CNTNAP3B: variants seen among roughly 807,000 people sequenced by gnomAD.
The protein encoded by CNTNAP3B is contactin associated protein family member 3B, also known as contactin-associated protein-like 3B.
Under a neutral mutation model 108.9 loss-of-function variants are expected in CNTNAP3B, and 25 were observed. The observed-to-expected ratio is 0.23, with a 90% confidence interval of 0.17 to 0.32. The LOEUF (loss-of-function observed/expected upper bound fraction) is 0.32. Among genes scored for constraint, CNTNAP3B ranks in the 10% least tolerant of loss-of-function variants. The pLI is 1.00. For synonymous variants in CNTNAP3B, 103 were observed against 473.4 expected (o/e 0.22, Z 10.16); for missense variants, 252 against 1,210.4 (o/e 0.21, Z 11.75).
intron 15 of CNTNAP3B, among the ~76,000 whole-genome samples, chr9:41,925,509 C>A (rs1378367318): frequency 6.6e-6 from 1 of 152,264 alleles, no homozygotes; most frequent in Non-Finnish European, 1.5e-5. Flanking sequence ...AGGAGAATGA[C>A]GTGAACCCGG....
At chr9:41,934,100 C>CATATATATATATATAT (rs1186532915) in intron 14 of CNTNAP3B, among the ~76,000 whole-genome samples, 6,095 of 88,388 alleles carry the variant, frequency 0.069, 113 homozygotes, top group Admixed American at 0.11. Context: ...ATATTTGTTA[C>CATATATATATATATAT]ATATATATAT....
At chr9:42,114,697 A>T (rs1288724934) in intron 1 of CNTNAP3B, among the ~76,000 whole-genome samples, 1 of 120,082 alleles carries the variant, frequency 8.3e-6, no homozygotes, top group African/African-American at 3.6e-5. Context: ...TGAGGACAAC[A>T]TCGTTCATCA....
chr9:42,045,823 C>A (rs1826862104), intron 3 of CNTNAP3B, among the ~76,000 whole-genome samples: 1 of 129,960 alleles, frequency 7.7e-6, no homozygotes, highest in Admixed American at 7.8e-5. Flanking sequence ...TTAATATCAT[C>A]TCGGTGGGGC....
At chr9:42,110,837 AC>A (rs1828180282) in intron 1 of CNTNAP3B, among the ~76,000 whole-genome samples, 1 of 139,812 alleles carries the variant, frequency 7.2e-6, no homozygotes, top group Admixed American at 7.1e-5. Flanking sequence ...TTTAGAAGGT[AC>A]CAAAAGTTCA....
At chr9:41,959,819 T>C (rs1209260734) in intron 12 of CNTNAP3B, among the ~76,000 whole-genome samples, 1 of 152,308 alleles carries the variant, frequency 6.6e-6, no homozygotes, top group East Asian at 1.9e-4. Flanking sequence ...TTGTCCAAAT[T>C]TATGAAACTT....
At chr9:41,919,445 C>G (rs1232519703) in intron 18 of CNTNAP3B, among the ~76,000 whole-genome samples, 4 of 152,204 alleles carry the variant, frequency 2.6e-5, no homozygotes, top group Non-Finnish European at 5.9e-5. Flanking sequence ...TGTACCTGAG[C>G]AGAAGCTGTG....
intron 15 of CNTNAP3B, among the ~76,000 whole-genome samples, chr9:41,926,202 T>A (rs1179946928): frequency 1.3e-5 from 2 of 152,256 alleles, no homozygotes; most frequent in Non-Finnish European, 1.5e-5. Context: ...CTCAGTGAGG[T>A]CACTCCTATG....
chr9:41,936,298 G>T (rs1267153468), intron 14 of CNTNAP3B, among the ~76,000 whole-genome samples: 1 of 150,770 alleles, frequency 6.6e-6, no homozygotes, highest in African/African-American at 2.4e-5. Context: ...AAAACAAAAC[G>T]GTTAACATTC....
At chr9:41,959,678 C>T (rs1437084669) in intron 12 of CNTNAP3B, among the ~76,000 whole-genome samples, 3 of 152,312 alleles carry the variant, frequency 2.0e-5, no homozygotes, top group East Asian at 1.9e-4. Context: ...GTGCAGGTGG[C>T]TCTGAATCTT....
intron 2 of CNTNAP3B, among the ~76,000 whole-genome samples, chr9:42,086,274 G>T (rs899896261): frequency 7.1e-6 from 1 of 139,938 alleles, no homozygotes; most frequent in African/African-American, 2.8e-5. Flanking sequence ...TCTCCCACTG[G>T]GTCCCTCCCA....
At chr9:41,978,589 T>C (rs1363702305) in intron 9 of CNTNAP3B, among the ~76,000 whole-genome samples, 1 of 131,498 alleles carries the variant, frequency 7.6e-6, no homozygotes, top group Non-Finnish European at 1.6e-5. Context: ...TATTTAGGCC[T>C]ATCTGGAAGA....
At position 42,113,796 on chromosome 9, in the gene CNTNAP3B, A is replaced by C. The variant is rs1307354641; in HGVS notation, c.86-9057T>G. 1.4e-5 allele frequency among the ~76,000 whole-genome samples: 2 copies of C among 139,184 alleles called. 1 individual carries two copies. The highest frequency in any genetic ancestry group is 1.4e-4 in the Admixed American group (2 of 13,988). 91.3% of individuals were successfully genotyped at this position (139,184 alleles called of 152,430 possible). A position where few individuals can be genotyped will look rare whatever the true frequency, so the allele number is the denominator to read the frequency against. ...CATTTTTAAATAACTTAAAGAGTGTAATTGGATTGTTTGCAACTCGAAGGA... is the reference window on the plus strand; with the variant it reads ...CATTTTTAAATAACTTAAAGAGTGTCATTGGATTGTTTGCAACTCGAAGGA... On this transcript the variant is annotated intron_variant, in intron 1 of 23. Coordinates refer to ENST00000377561, the MANE Select transcript of CNTNAP3B (RefSeq NM_001201380.3).
intron 2 of CNTNAP3B, among the ~76,000 whole-genome samples, chr9:42,088,899 G>A (rs375316201): frequency 7.9e-6 from 1 of 126,680 alleles, no homozygotes; most frequent in African/African-American, 3.2e-5. Flanking sequence ...ACTAAGGAGG[G>A]GAATATGCAA....
intron 9 of CNTNAP3B, among the ~76,000 whole-genome samples, chr9:41,973,926 C>T (rs111371049): frequency 0.016 from 2,225 of 136,260 alleles, 487 homozygotes; most frequent in African/African-American, 0.062. Flanking sequence ...TTCACTGCAA[C>T]CTTTGCCTTC....
chr9:42,059,994 C>A (rs1436631229), intron 3 of CNTNAP3B, among the ~76,000 whole-genome samples: 1 of 151,172 alleles, frequency 6.6e-6, no homozygotes, highest in Non-Finnish European at 1.5e-5. Context: ...ATTCTGTTTT[C>A]TTCAAATTTG....
At chr9:41,944,066 C>T (rs1459512934) in intron 13 of CNTNAP3B, among the ~76,000 whole-genome samples, 2 of 151,166 alleles carry the variant, frequency 1.3e-5, no homozygotes, top group East Asian at 1.9e-4. Flanking sequence ...AGAAAACACA[C>T]ACTAATATAA....
chr9:41,966,469 C>T (rs1825278065), intron 10 of CNTNAP3B, among the ~76,000 whole-genome samples: 1 of 152,274 alleles, frequency 6.6e-6, no homozygotes, highest in African/African-American at 2.4e-5. Flanking sequence ...AGAAGACCAA[C>T]AGAGGGGAAG....
At chr9:41,965,198 G>A (rs1825232899) in intron 10 of CNTNAP3B, among the ~76,000 whole-genome samples, 1 of 152,296 alleles carries the variant, frequency 6.6e-6, no homozygotes, top group Admixed American at 6.5e-5. Flanking sequence ...ATGACCCAAA[G>A]CAATCCACAA....
intron 1 of CNTNAP3B, among the ~76,000 whole-genome samples, chr9:42,121,549 G>T (rs1302836985): frequency 7.2e-6 from 1 of 138,892 alleles, no homozygotes; most frequent in Non-Finnish European, 1.5e-5. Context: ...ATCAACCCCG[G>T]CCACCCAGGA....
Sources: gnomAD v4.1 joint callset for allele counts (sites outside exome capture counted in the v4.1 genomes callset) on GRCh38, gnomAD v4.1.1 for gene constraint, MANE v1.5 for transcripts, NCBI Gene and HGNC (gene_info 2026-07-23, HGNC 2026-07-21) for gene names.